The following DIXDC1 variants were observed in gnomAD, a reference collection of about 807,000 sequenced individuals.
DIXDC1 encodes dixin.
A neutral mutation model predicts 103.1 loss-of-function variants in DIXDC1; 64 were observed. The ratio of observed to expected loss-of-function variants is 0.62; its 90% CI spans 0.51 to 0.76. The LOEUF (loss-of-function observed/expected upper bound fraction) is 0.76, where lower values mean the gene tolerates loss of function less well. Ranked by LOEUF, DIXDC1 falls within the 30% of genes least tolerant of loss-of-function variation. The pLI is 0.00. For synonymous variants in DIXDC1, 266 were observed against 298.5 expected (o/e 0.89, Z 1.12); for missense variants, 759 against 834.2 (o/e 0.91, Z 1.11).
chr11:111,937,139 G>C (rs782471069), upstream of DIXDC1: 4,554 of 745,866 alleles, frequency 6.1e-3, 168 homozygotes, highest in Non-Finnish European at 7.0e-3. Flanking sequence ...GGCGGGGGGG[G>C]GGTGTGCGCG....
intron 1 of DIXDC1, among the ~76,000 whole-genome samples, chr11:111,949,967 G>A (rs1349092057): frequency 6.6e-6 from 1 of 151,814 alleles, no homozygotes; most frequent in Non-Finnish European, 1.5e-5. Flanking sequence ...CTTTGTGTCC[G>A]TTATTTATGT....
chr11:111,967,128 T>C (rs1437739275), intron 2 of DIXDC1, among the ~76,000 whole-genome samples: 1 of 140,628 alleles, frequency 7.1e-6, no homozygotes, highest in Non-Finnish European at 1.5e-5. Flanking sequence ...AGCCCTCTTA[T>C]ATATTCTCTA....
Position 111,937,559 on chromosome 11 carries a change from G to A in DIXDC1, c.60G>A (p.Glu20=). 6.3e-7 allele frequency: 1 copy of A among 1,590,308 alleles called. No homozygotes were observed. Among genetic ancestry groups the A allele is most frequent in the South Asian group, 1.1e-5 (1 of 87,134 alleles). The change falls in exon 1 of 20, where the codon GAG becomes GAA. Residue 20 remains glutamate (E), a splice_region_variant and synonymous_variant. Coordinates refer to ENST00000440460, the MANE Select transcript of DIXDC1 (RefSeq NM_001037954.4). ...LLDVLQEGFN[E]QQLQAYVAWV... is the part of the protein sequence containing the mutation. ...ACGTCCTGCAGGAGGGCTTCAATGA[G>A]GTAACTGTCCTGCTCCTCCCACTCC...
At chr11:111,997,127 G>A (rs1219639226) in intron 17 of DIXDC1, among the ~76,000 whole-genome samples, 1 of 152,152 alleles carries the variant, frequency 6.6e-6, no homozygotes, top group Non-Finnish European at 1.5e-5. Flanking sequence ...AAACCAAATA[G>A]TAAAAAGCTG....
At chr11:112,000,879 A>G (rs1160678641) in intron 17 of DIXDC1, among the ~76,000 whole-genome samples, 2 of 152,162 alleles carry the variant, frequency 1.3e-5, no homozygotes, top group Admixed American at 6.5e-5. Flanking sequence ...TGCTCTGGGG[A>G]TGTGAATGGT....
chr11:111,994,991 C>G lies in DIXDC1; in HGVS notation c.1438-28C>G, dbSNP rs373725164. 239 of 1,599,828 alleles carry G rather than the reference C, an allele frequency of 1.5e-4. 1 individual carries two copies. In the African/African-American group the frequency reaches 2.6e-3, roughly 17 times the overall value. ...ATCTGGTTTACAATTCTCCCTTTAA[C>G]AAGCAACATTTCTTCATGCTGCTGT... is the stretch of plus-strand genomic sequence containing the variant. On this transcript the variant is annotated intron_variant, in intron 14 of 19. Coordinates refer to ENST00000440460, the MANE Select transcript of DIXDC1 (RefSeq NM_001037954.4).
chr11:112,016,295 CTA>C (rs1257042295), intron 17 of DIXDC1, among the ~76,000 whole-genome samples: 2 of 152,176 alleles, frequency 1.3e-5, no homozygotes, highest in Admixed American at 6.5e-5. Flanking sequence ...GTTTTTCTTT[CTA>C]TGAGTCACAT....
chr11:111,943,043 A>C (rs921377463), intron 1 of DIXDC1, among the ~76,000 whole-genome samples: 1 of 152,224 alleles, frequency 6.6e-6, no homozygotes, highest in South Asian at 2.1e-4. Flanking sequence ...CAAAGGGATG[A>C]GTCACGTCTT....
In DIXDC1 at chr11:111,992,472, G is replaced by T. The variant is rs868987475; in HGVS notation, c.1171G>T (p.Glu391Ter). The change falls in exon 11 of 20, where the codon GAG (glutamate) becomes TAG (stop). Residue 391 changes from glutamate (E) to a stop codon, truncating the protein, a stop_gained. Transcript: ENST00000440460. LOFTEE classifies it high-confidence loss of function. ...CACATCTGTTCTTCAGCTCAAACAA[G>T]AGCTACTGAGGGCAAATATGGACAA... ...QDTSVLQLKQELLRANMDKDE... is the reference protein window; with the variant it reads ...QDTSVLQLKQ 1 of 1,581,698 alleles carries T rather than the reference G, an allele frequency of 6.3e-7. No homozygotes were observed. The highest frequency in any genetic ancestry group is 2.3e-5 in the East Asian group (1 of 43,580).
At chr11:112,005,983 C>T (rs1328738827) in intron 17 of DIXDC1, among the ~76,000 whole-genome samples, 4 of 152,262 alleles carry the variant, frequency 2.6e-5, no homozygotes, top group African/African-American at 9.6e-5. Flanking sequence ...GGCAGGGCGT[C>T]GCCTCACCCA....
chr11:111,937,434 G>A lies in DIXDC1; in HGVS notation c.-66G>A. The A allele has an allele frequency of 6.5e-7, 1 of 1,538,964 alleles. No homozygotes were observed. The highest frequency in any genetic ancestry group is 8.8e-7 in the Non-Finnish European group (1 of 1,141,602). Reference sequence around the variant, plus strand: ...AGCCGAGAGCCTTTGTGTGCAGAGGGAGGAGGAGGAGGCGGCGGCGGCCGC... The same window carrying A: ...AGCCGAGAGCCTTTGTGTGCAGAGGAAGGAGGAGGAGGCGGCGGCGGCCGC... On this transcript the variant is annotated 5_prime_UTR_variant, in exon 1 of 20. Transcript: ENST00000440460.
intron 17 of DIXDC1, among the ~76,000 whole-genome samples, chr11:112,004,912 T>C (rs138345758): frequency 6.6e-6 from 1 of 152,242 alleles, no homozygotes; most frequent in African/African-American, 2.4e-5. Context: ...TCTAAACAGA[T>C]ACTTTTACCT....
chr11:111,992,839 T>C (rs1860750768), intron 11 of DIXDC1, 112 bp from the exon 12 acceptor site: 3 of 1,078,928 alleles, frequency 2.8e-6, no homozygotes, highest in Non-Finnish European at 4.1e-6. Flanking sequence ...CATCATACCC[T>C]CTCTGTGCTG....
intron 1 of DIXDC1, among the ~76,000 whole-genome samples, chr11:111,939,566 A>G (rs587688917): frequency 6.6e-6 from 1 of 152,044 alleles, no homozygotes; most frequent in African/African-American, 2.4e-5. Flanking sequence ...TTAGATTTGA[A>G]CTCTGACAGC....
At chr11:112,000,403 A>G (rs937707192) in intron 17 of DIXDC1, among the ~76,000 whole-genome samples, 1 of 152,146 alleles carries the variant, frequency 6.6e-6, no homozygotes, top group Non-Finnish European at 1.5e-5. Flanking sequence ...TCCAAAGAAG[A>G]TAAAGAAATG....
rs927514316 is a variant in DIXDC1, at chr11:112,020,472, G to C, written c.*1436G>C. On this transcript the variant is annotated 3_prime_UTR_variant, in exon 20 of 20. Transcript: ENST00000440460. ...GATGTATCTTTTAAAAATAGTTCAC[G>C]TTTGGAGAATTCTTTTGTACTCATT... 3.9e-5 allele frequency: 6 copies of C among 152,600 alleles called. No individual in the cohort carries two copies. Among genetic ancestry groups the C allele is most frequent in the Non-Finnish European group, 5.9e-5 (4 of 68,036 alleles). The allele number at this position is 152,600 out of a possible 1,614,324, so 9.5% of individuals were successfully genotyped here. A position where few individuals can be genotyped will look rare whatever the true frequency, so the allele number is the denominator to read the frequency against.
At chr11:111,978,618 A>G (rs1342293968) in intron 5 of DIXDC1, among the ~76,000 whole-genome samples, 1 of 152,166 alleles carries the variant, frequency 6.6e-6, no homozygotes, top group African/African-American at 2.4e-5. Flanking sequence ...CTTAGGAAGG[A>G]GAAGGAGCTG....
chr11:112,004,009 T>C, intron 17 of DIXDC1, among the ~76,000 whole-genome samples: 1 of 129,594 alleles, frequency 7.7e-6, no homozygotes, highest in East Asian at 2.2e-4. Flanking sequence ...AAAAACCCCA[T>C]CTTAAAAAAA....
At chr11:111,992,841 T>C in intron 11 of DIXDC1, 110 bp from the exon 12 acceptor site, 1 of 1,088,560 alleles carries the variant, frequency 9.2e-7, no homozygotes, top group South Asian at 1.5e-5. Flanking sequence ...TCATACCCTC[T>C]CTGTGCTGCA....
Sources: gnomAD v4.1 joint callset for allele counts (sites outside exome capture counted in the v4.1 genomes callset) on GRCh38, gnomAD v4.1.1 for gene constraint, MANE v1.5 for transcripts, NCBI Gene and HGNC (gene_info 2026-07-23, HGNC 2026-07-21) for gene names.